Variants in ADAD2 observed in about 807,000 individuals in gnomAD.
ADAD2 encodes adenosine deaminase domain containing 2, also known as adenosine deaminase domain-containing protein 2.
Under a neutral mutation model 54.5 loss-of-function variants are expected in ADAD2, and 60 were observed. The observed-to-expected ratio is 1.10, with a 90% CI of 0.89 to 1.36. The LOEUF (loss-of-function observed/expected upper bound fraction) is 1.36. ADAD2 is among the 40% of genes most tolerant of loss of function. The pLI is 0.00. For synonymous variants in ADAD2, 543 were observed against 366.2 expected, an observed-to-expected ratio of 1.48 and a Z score of -5.51; for missense variants, 1,103 against 801.3, an observed-to-expected ratio of 1.38 and a Z score of -4.54.
intron 1 of ADAD2, among the ~76,000 whole-genome samples, chr16:84,192,319 A>T (rs899945831): frequency 6.6e-6 from 1 of 151,168 alleles, no homozygotes; most frequent in Non-Finnish European, 1.5e-5. Context: ...TAATTTTTGT[A>T]TTTTTTTTGT....
rs925798020 is a variant in ADAD2, at chr16:84,191,479, G to A, written c.249G>A (p.Ala83=). 1 of 1,539,124 alleles carries A rather than the reference G, an allele frequency of 6.5e-7. No homozygotes were observed. Among genetic ancestry groups the A allele is most frequent in the Admixed American group, 2.0e-5 (1 of 49,540 alleles). ...AGVGELGAAR[A]WENLGEQMGK... is the part of the protein sequence containing the mutation. ...TCGGGGAACTGGGGGCAGCCCGGGC[G>A]TGGGAAAACTTGGGGGAACAGATGG... is the stretch of plus-strand genomic sequence containing the variant. The change falls in exon 1 of 10, where the codon GCG becomes GCA. Residue 83 remains alanine, a synonymous_variant. Transcript: ENST00000315906.
At chr16:84,195,246 C>T (rs776091077) in intron 4 of ADAD2, 50 bp from the exon 5 acceptor site, 5 of 1,610,774 alleles carry the variant, frequency 3.1e-6, no homozygotes, top group African/African-American at 2.7e-5. Context: ...GGAAGGGCCC[C>T]CTCAAGCTCC....
chr16:84,191,357 T>TG lies in ADAD2; in HGVS notation c.132dup (p.Pro45AlafsTer119), dbSNP rs2089648629. 4 of 1,557,680 alleles carry TG rather than the reference T, an allele frequency of 2.6e-6. No homozygotes were observed. The South Asian group carries it at 4.6e-5, about 18-fold the overall frequency. On this transcript the variant is annotated frameshift_variant, in exon 1 of 10. Coordinates refer to ENST00000315906, the MANE Select transcript of ADAD2 (RefSeq NM_001145400.2). LOFTEE classifies it high-confidence loss of function. Reference sequence around the variant, plus strand: ...GCTACCCGCCCAGGCCCAAAGTGCCTGGGGGCCCGCGCCCGCGCCCGCGAC... The same window carrying TG: ...GCTACCCGCCCAGGCCCAAAGTGCCTGGGGGGCCCGCGCCCGCGCCCGCGAC...
In ADAD2 at chr16:84,191,288, G is replaced by C; in HGVS notation, c.58G>C (p.Ala20Pro). The change falls in exon 1 of 10, where the codon GCT (alanine) becomes CCT (proline). Residue 20 changes from alanine (A) to proline (P), a missense_variant. Physicochemically the swap from Ala to Pro is conservative, Grantham distance 27. Coordinates refer to ENST00000315906, the MANE Select transcript of ADAD2 (RefSeq NM_001145400.2). ...CGGCAGTCGTAGGAAGCCCCGCCTG[G>C]CTGCATCGTTGCAGATCAGCCCCCA... ...DDGSRRKPRL[A>P]ASLQISPQPR... The C allele has an allele frequency of 6.2e-7, 1 of 1,603,978 alleles. No homozygotes were observed. Among genetic ancestry groups the C allele is most frequent in the Non-Finnish European group, 8.5e-7 (1 of 1,175,456 alleles).
chr16:84,196,066 G>A (rs371210152), intron 7 of ADAD2, 22 bp downstream of exon 7: 5 of 1,599,290 alleles, frequency 3.1e-6, no homozygotes, highest in East Asian at 2.2e-5. Flanking sequence ...GTGAGGGCTG[G>A]GGGGGTGAGA....
intron 3 of ADAD2, 40 bp downstream of exon 3, chr16:84,195,020 G>T: frequency 6.2e-7 from 1 of 1,612,832 alleles, no homozygotes; most frequent in South Asian, 1.1e-5. Context: ...TAGTGTCGAG[G>T]GGAGAGGCGT....
chr16:84,195,112 C>G lies in ADAD2; in HGVS notation c.651C>G (p.Ser217Arg). 6.2e-7 allele frequency: 1 copy of G among 1,613,742 alleles called. No homozygotes were observed. The highest frequency in any genetic ancestry group is 8.5e-7 in the Non-Finnish European group (1 of 1,179,994). ...THEQRCAALV[S>R]AGFDLLLDER... ...AGCAGCGCTGCGCAGCGTTGGTGAG[C>G]GCCGGCTTTGACCTCCTGTTGGACG... Residue 217 changes from serine to arginine, a missense_variant, in exon 4 of 10, where the codon AGC (serine) becomes AGG (arginine). Ser to Arg is a moderately radical substitution (Grantham distance 110). Coordinates refer to ENST00000315906, the MANE Select transcript of ADAD2 (RefSeq NM_001145400.2).
chr16:84,191,885 G>A, intron 1 of ADAD2: 1 of 651,420 alleles, frequency 1.5e-6, no homozygotes, highest in African/African-American at 1.8e-5. Context: ...CATGGCAGGT[G>A]AACATTCTTC....
intron 1 of ADAD2, chr16:84,193,755 C>G (rs554722135): frequency 2.3e-4 from 88 of 390,208 alleles, no homozygotes; most frequent in African/African-American, 1.6e-3. Flanking sequence ...AGGCCAACAT[C>G]CCTTCCACGT....
chr16:84,196,908 C>G lies in ADAD2; in HGVS notation c.1686C>G (p.Leu562=). ...PYQEARRQLS[L]LLDQQGLGAW... is the part of the protein sequence containing the mutation. ...AGGAGGCTCGCAGGCAGCTGTCTCT[C>G]CTCCTGGACCAGCAGGGCCTGGGGG... Residue 562 remains leucine, a synonymous_variant, in exon 10 of 10, where the codon CTC becomes CTG. Transcript: ENST00000315906. 6.2e-7 allele frequency: 1 copy of G among 1,600,582 alleles called. No homozygotes were observed. Among genetic ancestry groups the G allele is most frequent in the African/African-American group, 1.3e-5 (1 of 74,842 alleles).
Position 84,194,463 on chromosome 16 carries a change from T to A in ADAD2, c.440T>A (p.Val147Glu). 6.2e-7 allele frequency: 1 copy of A among 1,607,826 alleles called. No homozygotes were observed. ...CCAGGTCCCTGCTTCCCCTTCTCGG[T>A]GAGCGCGGAACTGGATGGGGTGGTC... ...QPPGPCFPFS[V>E]SAELDGVVCP... The change falls in exon 2 of 10, where the codon GTG (valine) becomes GAG (glutamate). Residue 147 changes from valine to glutamate, a missense_variant. Val to Glu is a moderately radical substitution (Grantham distance 121). Transcript: ENST00000315906.
intron 2 of ADAD2, 162 bp from the exon 3 acceptor site, chr16:84,194,771 C>A: frequency 7.9e-7 from 1 of 1,270,540 alleles, no homozygotes; most frequent in Non-Finnish European, 1.1e-6. Context: ...CCTGCTTTCA[C>A]GTCCTCTGGG....
chr16:84,196,421 G>A, intron 8 of ADAD2, 51 bp downstream of exon 8: 1 of 1,575,198 alleles, frequency 6.3e-7, no homozygotes, highest in Non-Finnish European at 8.6e-7. Context: ...GGTGATGGAG[G>A]GCTCATGCAT....
rs138265121 is a variant in ADAD2, at chr16:84,196,225, C to T, written c.1381C>T (p.Arg461Trp). 4.3e-5 allele frequency: 70 copies of T among 1,611,402 alleles called. No individual in the cohort carries two copies. The highest frequency in any genetic ancestry group is 5.3e-5 in the Non-Finnish European group (63 of 1,179,890). ...GCCATGCCTGCCACCTCCCTACGTC[C>T]GGACCGCCCTGCACCTGTTTGCAGG... ...LGPCLPPPYVRTALHLFAGPP... is the reference protein window; with the variant it reads ...LGPCLPPPYVWTALHLFAGPP... Residue 461 changes from arginine (R) to tryptophan (W), a missense_variant, in exon 8 of 10, where the codon CGG becomes TGG. Transcript: ENST00000315906.
rs1271089923 is a variant in ADAD2 at position 84,196,213 on chromosome 16, C to G, written c.1369C>G (p.Pro457Ala). 7 of 1,610,790 alleles carry G rather than the reference C, an allele frequency of 4.3e-6. No homozygotes were observed. The highest frequency in any genetic ancestry group is 5.9e-6 in the Non-Finnish European group (7 of 1,179,910). The stretch of plus-strand genomic sequence containing the variant: ...CAGTGTCCTGGGGCCATGCCTGCCA[C>G]CTCCCTACGTCCGGACCGCCCTGCA... ...LDSVLGPCLP[P>A]PYVRTALHLF... Residue 457 changes from proline to alanine, a missense_variant, in exon 8 of 10, where the codon CCT becomes GCT. By Grantham distance (27) the Pro-to-Ala change is conservative (BLOSUM62 -1). Coordinates refer to ENST00000315906, the MANE Select transcript of ADAD2 (RefSeq NM_001145400.2).
rs1444605951 is a variant in ADAD2 at position 84,194,957 on chromosome 16, C to T, written c.584C>T (p.Pro195Leu). The T allele has an allele frequency of 6.2e-7, 1 of 1,612,598 alleles. No homozygotes were observed. Among genetic ancestry groups the T allele is most frequent in the East Asian group, 2.2e-5 (1 of 44,878 alleles). The change falls in exon 3 of 10, where the codon CCT becomes CTT. Residue 195 changes from proline (P) to leucine (L), a missense_variant. Coordinates refer to ENST00000315906, the MANE Select transcript of ADAD2 (RefSeq NM_001145400.2). ...NPESPQTSSRPPLAPLSVENI... is the reference protein window; with the variant it reads ...NPESPQTSSRLPLAPLSVENI... ...GAGTCCCCCCAGACCTCCAGCCGGC[C>T]TCCACTGGCCCCCCTGAGCGTAGGT...
Position 84,191,158 on chromosome 16 carries a change from C to G in ADAD2, c.-73C>G, listed in dbSNP as rs943087975. Reference sequence around the variant, plus strand: ...TCCGCGTGCTCCCCACGTGAAGGCACCCGCCCTGCGCGTGTGAAAGGGCGA... The same window carrying G: ...TCCGCGTGCTCCCCACGTGAAGGCAGCCGCCCTGCGCGTGTGAAAGGGCGA... On this transcript the variant is annotated 5_prime_UTR_variant, in exon 1 of 10. Transcript: ENST00000315906. 6.5e-7 allele frequency: 1 copy of G among 1,540,234 alleles called. No individual in the cohort carries two copies. Among genetic ancestry groups the G allele is most frequent in the South Asian group, 1.2e-5 (1 of 82,704 alleles).
intron 5 of ADAD2, 27 bp downstream of exon 5, chr16:84,195,473 A>T (rs1567613695): frequency 6.2e-7 from 1 of 1,606,302 alleles, no homozygotes; most frequent in Admixed American, 1.7e-5. Context: ...TGGGCGCCTG[A>T]TAGCAGCCTT....
rs2089644208 is a variant in ADAD2 at position 84,191,221 on chromosome 16, G to A, written c.-10G>A. The A allele has an allele frequency of 1.9e-6, 3 of 1,606,352 alleles. No individual in the cohort carries two copies. Among genetic ancestry groups the A allele is most frequent in the African/African-American group, 2.7e-5 (2 of 74,808 alleles). On this transcript the variant is annotated 5_prime_UTR_variant, in exon 1 of 10. Coordinates refer to ENST00000315906, the MANE Select transcript of ADAD2 (RefSeq NM_001145400.2). ...ATAGGGCCTAGCGCCTCAGATCTTC[G>A]TTGGCGGCCATGGCTTCGGCTTCTC...
Sources: gnomAD v4.1 joint callset for allele counts (sites outside exome capture counted in the v4.1 genomes callset) on GRCh38, gnomAD v4.1.1 for gene constraint, MANE v1.5 for transcripts, NCBI Gene and HGNC (gene_info 2026-07-23, HGNC 2026-07-21) for gene names.